The following ANO1 variants were observed in gnomAD, a reference collection of about 807,000 sequenced individuals.
The protein encoded by ANO1 is anoctamin-1.
In ANO1, 59 loss-of-function variants were observed where a neutral mutation model predicts 124.0. That is an observed-to-expected ratio of 0.48 (90% CI 0.39 to 0.59). ANO1 has a LOEUF of 0.59. ANO1 is among the 20% of genes least tolerant of loss of function. ANO1 has a pLI of 0.00. For synonymous variants in ANO1, 529 were observed against 532.0 expected (o/e 0.99, Z 0.08); for missense variants, 1,059 against 1,328.0 (o/e 0.80, Z 3.15).
At position 70,063,753 on chromosome 11, in the gene ANO1, A is replaced by G. The variant is rs151026083; in HGVS notation, c.59-14789A>G. The G allele has an allele frequency of 9.8e-3, 1,499 of 152,380 alleles. 12 individuals are homozygous for G. The highest frequency in any genetic ancestry group is 0.015 in the Non-Finnish European group (991 of 68,028). The allele number at this position is 152,380 out of a possible 1,614,324, so 9.4% of individuals were successfully genotyped here. On this transcript the variant is annotated intron_variant, in intron 1 of 27. Transcript: ENST00000531349. ...AAATCAGGTCACCACCAGCACCAGGATGTGACATGAAGGGACACGCCTCAG... is the reference window on the plus strand; with the variant it reads ...AAATCAGGTCACCACCAGCACCAGGGTGTGACATGAAGGGACACGCCTCAG...
At chr11:70,088,745 A>T (rs1370930637) in intron 2 of ANO1, among the ~76,000 whole-genome samples, 1 of 151,990 alleles carries the variant, frequency 6.6e-6, no homozygotes, top group Non-Finnish European at 1.5e-5. Flanking sequence ...GGGAGGGAGG[A>T]CAAAGCTCTC....
chr11:70,032,329 C>A (rs913175215), intron 1 of ANO1, among the ~76,000 whole-genome samples: 8 of 152,114 alleles, frequency 5.3e-5, no homozygotes, highest in Non-Finnish European at 1.0e-4. Context: ...AGAAAAGAGA[C>A]CCCAGTGATG....
chr11:70,023,183 G>A lies in ANO1; in HGVS notation c.58+37017G>A, dbSNP rs114801857. Among the ~76,000 whole-genome samples, 438 of 152,304 alleles carry A rather than the reference G, an allele frequency of 2.9e-3. 3 individuals carry two copies. Among genetic ancestry groups the A allele is most frequent in the African/African-American group, 9.8e-3 (409 of 41,576 alleles). On this transcript the variant is annotated intron_variant, in intron 1 of 27. Coordinates refer to the ANO1 transcript ENST00000531349. ...AGCCACTAAGCTTTGTTGATCTCCCGCTGCACAGTGGGAAACTCGTGCGCT... is the reference window on the plus strand; with the variant it reads ...AGCCACTAAGCTTTGTTGATCTCCCACTGCACAGTGGGAAACTCGTGCGCT...
At chr11:70,062,485 G>A (rs1591066827) in intron 1 of ANO1, among the ~76,000 whole-genome samples, 1 of 152,218 alleles carries the variant, frequency 6.6e-6, no homozygotes, top group East Asian at 1.9e-4. Context: ...AGTAGACACA[G>A]ATGAAGCAGA....
chr11:70,006,686 T>C (rs1591029770), intron 1 of ANO1, among the ~76,000 whole-genome samples: 1 of 96,274 alleles, frequency 1.0e-5, no homozygotes, highest in African/African-American at 3.4e-5. Context: ...TTTTTTTTTT[T>C]TGAGATGGAG....
the ANO1 span, among the ~76,000 whole-genome samples, chr11:69,972,061 A>AT: frequency 8.0e-5 from 9 of 112,432 alleles, no homozygotes; most frequent in Middle Eastern, 4.3e-3. Flanking sequence ...GCTCTACTAA[A>AT]AAAATAAATA....
At chr11:70,029,949 G>A (rs1369120513) in intron 1 of ANO1, among the ~76,000 whole-genome samples, 1 of 152,210 alleles carries the variant, frequency 6.6e-6, no homozygotes, top group Non-Finnish European at 1.5e-5. Context: ...TTAGATTAGG[G>A]CCACTGGAGG....
At chr11:70,058,919 C>T (rs2135102956) in intron 1 of ANO1, among the ~76,000 whole-genome samples, 1 of 152,086 alleles carries the variant, frequency 6.6e-6, no homozygotes, top group East Asian at 1.9e-4. Flanking sequence ...TGCGGTGGCT[C>T]ACGCCTGTAA....
intron 1 of ANO1, among the ~76,000 whole-genome samples, chr11:70,023,388 T>G (rs1301646475): frequency 6.6e-6 from 1 of 152,158 alleles, no homozygotes; most frequent in Non-Finnish European, 1.5e-5. Context: ...CTAAACCATG[T>G]CTAGTGGATT....
At chr11:69,970,350 A>T in the ANO1 span, among the ~76,000 whole-genome samples, 1 of 152,102 alleles carries the variant, frequency 6.6e-6, no homozygotes, top group Non-Finnish European at 1.5e-5. Flanking sequence ...ACCCACGGGG[A>T]ACAGCAGCCC....
At position 70,136,882 on chromosome 11, in the gene ANO1, C is replaced by T. The variant is rs762859630; in HGVS notation, c.1258+4803C>T. Among the ~76,000 whole-genome samples, 5 of 147,550 alleles carry T rather than the reference C, an allele frequency of 3.4e-5. 1 individual carries two copies. Among genetic ancestry groups the T allele is most frequent in the South Asian group, 2.3e-4 (1 of 4,282 alleles). ...TCCAGAGGAGGCCAAGAATGGGAGCCGTGGGTCCGTAGCTTGGTGTAGGGC... is the reference window on the plus strand; with the variant it reads ...TCCAGAGGAGGCCAAGAATGGGAGCTGTGGGTCCGTAGCTTGGTGTAGGGC... On this transcript the variant is annotated intron_variant, in intron 11 of 25. Coordinates refer to ENST00000355303, the MANE Select transcript of ANO1 (RefSeq NM_018043.7).
At position 70,087,961 on chromosome 11, in the gene ANO1, G is replaced by A. The variant is rs763327815; in HGVS notation, c.318G>A (p.Ala106=). 1.2e-5 allele frequency: 19 copies of A among 1,593,112 alleles called. No homozygotes were observed. Among genetic ancestry groups the A allele is most frequent in the East Asian group, 6.8e-5 (3 of 44,004 alleles). The change falls in exon 2 of 26, where the codon GCG becomes GCA. Residue 106 remains alanine, a synonymous_variant. Transcript: ENST00000355303. ...KQDHPLPGKG[A]SLDAGSGEPP... ...ACCACCCCCTGCCGGGCAAGGGGGC[G>A]TCGCTGGATGCAGGCTCGGGGGAGC...
upstream of ANO1, among the ~76,000 whole-genome samples, chr11:69,981,844 T>C (rs187384942): frequency 5.9e-5 from 9 of 152,374 alleles, no homozygotes; most frequent in East Asian, 1.5e-3. Flanking sequence ...GACCATGGAA[T>C]ATTATTCAGC....
At chr11:70,009,434 T>G (rs1856550725) in intron 1 of ANO1, among the ~76,000 whole-genome samples, 1 of 152,214 alleles carries the variant, frequency 6.6e-6, no homozygotes, top group Non-Finnish European at 1.5e-5. Flanking sequence ...CTGTCATGTC[T>G]GACTGTACCA....
At chr11:70,067,761 C>T (rs529190021) in intron 1 of ANO1, among the ~76,000 whole-genome samples, 1 of 152,344 alleles carries the variant, frequency 6.6e-6, no homozygotes, top group South Asian at 2.1e-4. Context: ...TCCCGACCCC[C>T]TGCCCCGGCT....
Position 70,187,989 on chromosome 11 carries a change from C to A in ANO1, c.2946C>A (p.His982Gln), listed in dbSNP as rs371704608. 5 of 1,564,246 alleles carry A rather than the reference C, an allele frequency of 3.2e-6. No homozygotes were observed. In the South Asian group the frequency reaches 5.9e-5, roughly 18 times the overall value. The change falls in exon 26 of 26, where the codon CAC (histidine) becomes CAA (glutamine). Residue 982 changes from histidine (H) to glutamine (Q), a missense_variant. By Grantham distance (24) the His-to-Gln change is conservative (BLOSUM62 0). Around this residue, in one of 2 missense-constraint regions of ANO1, gnomAD observed 809 missense variants for 1,094.9 expected, o/e 0.74. Transcript: ENST00000355303. Reference protein sequence around the residue: ...LGSPAPSHAYHGGVL With the variant: ...LGSPAPSHAYQGGVL Reference sequence around the variant, plus strand: ...GCCCAGCCCCCAGCCATGCCTACCACGGGGGCGTCCTGTAGCTATGCCAGC... The same window carrying A: ...GCCCAGCCCCCAGCCATGCCTACCAAGGGGGCGTCCTGTAGCTATGCCAGC...
intron 10 of ANO1, among the ~76,000 whole-genome samples, chr11:70,130,985 C>A (rs1427157386): frequency 6.6e-6 from 1 of 152,244 alleles, no homozygotes; most frequent in East Asian, 1.9e-4. Context: ...ATAGACGGCG[C>A]CTGGCACAGA....
chr11:70,132,186 G>A (rs985057797), intron 11 of ANO1, 107 bp downstream of exon 11: 92 of 1,383,054 alleles, frequency 6.7e-5, no homozygotes, highest in Admixed American at 1.5e-4. Context: ...AGGGGTTGTC[G>A]GGAAAAAACA....
At chr11:70,085,696 C>G in intron 1 of ANO1, 1 of 1,454,520 alleles carries the variant, frequency 6.9e-7, no homozygotes, top group Non-Finnish European at 9.0e-7. Flanking sequence ...ACCAGCAGCC[C>G]TGGCCCAGAG....
Sources: allele counts gnomAD v4.1 joint callset (sites outside exome capture counted in the v4.1 genomes callset), GRCh38; gene constraint gnomAD v4.1.1; regional missense constraint gnomAD v4.1.1; transcripts MANE v1.5; gene names NCBI Gene and HGNC (gene_info 2026-07-23, HGNC 2026-07-21).